ZNF566: variants seen among roughly 807,000 people sequenced by gnomAD.
ZNF566 encodes zinc finger protein 566.
Under a neutral mutation model 32.8 loss-of-function variants are expected in ZNF566, and 27 were observed. That is an observed-to-expected ratio of 0.82 (90% CI 0.61 to 1.14). The LOEUF is 1.14. ZNF566 is among the 50% of genes most tolerant of loss of function. The pLI, the probability that ZNF566 is intolerant of heterozygous loss-of-function variation, is 0.00. For synonymous variants in ZNF566, 154 were observed against 159.5 expected (o/e 0.97, Z 0.26); for missense variants, 402 against 490.4 (o/e 0.82, Z 1.70).
At chr19:36,454,886 T>C (rs952968998) in intron 4 of ZNF566, among the ~76,000 whole-genome samples, 2 of 152,184 alleles carry the variant, frequency 1.3e-5, no homozygotes, top group African/African-American at 2.4e-5. Flanking sequence ...TTTATGAGGA[T>C]AGTATTACCC....
At chr19:36,450,118 GAGTT>G (rs766499361) in intron 4 of ZNF566, 117 bp from the exon 5 acceptor site, 123 of 786,268 alleles carry the variant, frequency 1.6e-4, no homozygotes, top group Non-Finnish European at 2.1e-4. Context: ...GGAAAAAAGA[GAGTT>G]AGAAGACAGG....
chr19:36,459,820 T>A (rs1432478053), intron 4 of ZNF566, among the ~76,000 whole-genome samples: 4 of 40,010 alleles, frequency 1.0e-4, no homozygotes, highest in African/African-American at 3.2e-4. Flanking sequence ...CACCTATTAC[T>A]TTTTTTTTTT....
At chr19:36,456,825 C>T (rs1263417244) in intron 4 of ZNF566, among the ~76,000 whole-genome samples, 1 of 149,676 alleles carries the variant, frequency 6.7e-6, no homozygotes, top group Non-Finnish European at 1.5e-5. Flanking sequence ...CTACCCAAAG[C>T]AATCTACACA....
At chr19:36,454,772 T>G (rs2033258038) in intron 4 of ZNF566, among the ~76,000 whole-genome samples, 1 of 152,254 alleles carries the variant, frequency 6.6e-6, no homozygotes, top group African/African-American at 2.4e-5. Context: ...GACAAAGACT[T>G]GATGGCTTCA....
At chr19:36,485,271 CAAAA>C (rs748231707) in intron 1 of ZNF566, among the ~76,000 whole-genome samples, 1 of 81,946 alleles carries the variant, frequency 1.2e-5, no homozygotes, top group Admixed American at 1.6e-4. Flanking sequence ...GCTATCTCTA[CAAAA>C]AAAAAAAAAA....
intron 4 of ZNF566, among the ~76,000 whole-genome samples, chr19:36,463,743 T>C (rs2033541360): frequency 6.6e-6 from 1 of 150,916 alleles, no homozygotes; most frequent in African/African-American, 2.4e-5. Context: ...TTTTTTTTTT[T>C]GAGACAGAGT....
At chr19:36,455,528 G>A (rs3107235) in intron 4 of ZNF566, among the ~76,000 whole-genome samples, 39,302 of 151,316 alleles carry the variant, frequency 0.26, 5,166 homozygotes, top group South Asian at 0.37. Context: ...GATTACTTGA[G>A]GTCAGGAGTT....
In ZNF566 at chr19:36,449,259, T is replaced by C. The variant is rs778431875; in HGVS notation, c.975A>G (p.Gln325=). ...ECGNAFSQSS[Q]LIKHQRIHTG... is the part of the protein sequence containing the mutation. ...TATGGATTCTTTGATGTTTAATAAGTTGTGAGCTCTGACTAAAGGCATTGC... is the reference window on the plus strand; with the variant it reads ...TATGGATTCTTTGATGTTTAATAAGCTGTGAGCTCTGACTAAAGGCATTGC... The change falls in exon 5 of 5, where the codon CAA becomes CAG. Residue 325 remains glutamine (Q), a synonymous_variant. Coordinates refer to ENST00000452939, the MANE Select transcript of ZNF566 (RefSeq NM_001145344.1). The C allele has an allele frequency of 8.1e-6, 13 of 1,613,946 alleles. No individual in the cohort carries two copies. The Admixed American group carries it at 1.2e-4, about 14-fold the overall frequency.
In ZNF566 at chr19:36,448,695, G is replaced by A. The variant is rs2033056587; in HGVS notation, c.*282C>T. ...CTGACGTTAAGAAGGTTAGAAAGGTGTTAAAAGTGCTGTCATTTTCAGTAT... is the reference window on the plus strand; with the variant it reads ...CTGACGTTAAGAAGGTTAGAAAGGTATTAAAAGTGCTGTCATTTTCAGTAT... On this transcript the variant is annotated 3_prime_UTR_variant, in exon 5 of 5. Coordinates refer to ENST00000452939, the MANE Select transcript of ZNF566 (RefSeq NM_001145344.1). 3.9e-6 allele frequency: 1 copy of A among 256,722 alleles called. No individual in the cohort carries two copies. Among genetic ancestry groups the A allele is most frequent in the Non-Finnish European group, 7.3e-6 (1 of 136,478 alleles). 15.9% of individuals were successfully genotyped at this position (256,722 alleles called of 1,614,324 possible). A position where few individuals can be genotyped will look rare whatever the true frequency, so the allele number is the denominator to read the frequency against.
intron 2 of ZNF566, among the ~76,000 whole-genome samples, chr19:36,475,651 C>T (rs2033866407): frequency 6.6e-6 from 1 of 152,046 alleles, no homozygotes; most frequent in African/African-American, 2.4e-5. Context: ...TGGTAGAAAT[C>T]TGAGATAGGA....
intron 1 of ZNF566, among the ~76,000 whole-genome samples, chr19:36,487,709 T>G (rs2034201921): frequency 6.6e-6 from 1 of 151,812 alleles, no homozygotes; most frequent in Non-Finnish European, 1.5e-5. Flanking sequence ...GGACTAGCTT[T>G]GCCAACATGG....
At chr19:36,452,126 TGACTCTTA>T (rs1374877292) in intron 4 of ZNF566, among the ~76,000 whole-genome samples, 1 of 151,434 alleles carries the variant, frequency 6.6e-6, no homozygotes, top group Non-Finnish European at 1.5e-5. Flanking sequence ...TGAAAGTCAC[TGACTCTTA>T]GACAAGGAAA....
At chr19:36,485,334 C>T (rs957103276) in intron 1 of ZNF566, among the ~76,000 whole-genome samples, 11 of 149,572 alleles carry the variant, frequency 7.4e-5, no homozygotes, top group Non-Finnish European at 1.6e-4. Flanking sequence ...CCCAGCTACT[C>T]AGGGGCTGAG....
intron 4 of ZNF566, among the ~76,000 whole-genome samples, chr19:36,468,263 T>C (rs1478320649): frequency 2.0e-5 from 3 of 151,258 alleles, no homozygotes; most frequent in South Asian, 2.1e-4. Context: ...AACATTCATA[T>C]ACTGCTGGTG....
Position 36,449,334 on chromosome 19 carries a change from T to C in ZNF566, c.900A>G (p.Gln300=). Residue 300 remains glutamine, a synonymous_variant, in exon 5 of 5, where the codon CAA becomes CAG. Coordinates refer to ENST00000452939, the MANE Select transcript of ZNF566 (RefSeq NM_001145344.1). Reference sequence around the variant, plus strand: ...TTTCCCCAGTATGAATTCTCTGATGTTGAGTAAAGTTTGAGCCACTACTAA... The same window carrying C: ...TTTCCCCAGTATGAATTCTCTGATGCTGAGTAAAGTTTGAGCCACTACTAA... The part of the protein sequence containing the change: ...KAFSSGSNFT[Q]HQRIHTGEKP... The C allele has an allele frequency of 1.8e-5, 29 of 1,614,164 alleles. No homozygotes were observed. Among genetic ancestry groups the C allele is most frequent in the Non-Finnish European group, 2.4e-5 (28 of 1,180,016 alleles).
intron 4 of ZNF566, among the ~76,000 whole-genome samples, chr19:36,457,313 T>C (rs2967444): frequency 0.26 from 39,385 of 151,632 alleles, 5,201 homozygotes; most frequent in South Asian, 0.37. Context: ...AAGCAAAAAA[T>C]AGAAAAATAT....
At chr19:36,464,446 C>T (rs886116868) in intron 4 of ZNF566, among the ~76,000 whole-genome samples, 1 of 152,108 alleles carries the variant, frequency 6.6e-6, no homozygotes, top group African/African-American at 2.4e-5. Flanking sequence ...CATGAGCTAC[C>T]ACACCCAGCC....
rs187871174 is a variant in ZNF566 at position 36,485,920 on chromosome 19, G to C, written c.-60+3566C>G. Among the ~76,000 whole-genome samples the C allele has an allele frequency of 8.6e-5, 13 of 151,944 alleles. No individual in the cohort carries two copies. In the East Asian group the frequency reaches 2.3e-3, roughly 27 times the overall value. ...AATACAAAAATTAGCTGGGCGTGGT[G>C]GTGCGCTCCTATAGTCCCAGCTGCT... On this transcript the variant is annotated intron_variant, in intron 1 of 4. Coordinates refer to ENST00000452939, the MANE Select transcript of ZNF566 (RefSeq NM_001145344.1).
Position 36,449,789 on chromosome 19 carries a change from G to A in ZNF566, c.445C>T (p.Leu149=). 6.2e-7 allele frequency: 1 copy of A among 1,614,166 alleles called. No individual in the cohort carries two copies. The highest frequency in any genetic ancestry group is 8.5e-7 in the Non-Finnish European group (1 of 1,180,026). ...GATGGATGGTGACTCAAAGTGGGCA[G>A]ATCTTCATGAGTGAATACCAATTGA... ...FNQLVFTHED[L]PTLSHHPSFT... Residue 149 remains leucine (L), a synonymous_variant, in exon 5 of 5, where the codon CTG becomes TTG. Transcript: ENST00000452939.
Sources: gnomAD v4.1 joint callset for allele counts (sites outside exome capture counted in the v4.1 genomes callset) on GRCh38, gnomAD v4.1.1 for gene constraint, MANE v1.5 for transcripts, NCBI Gene and HGNC (gene_info 2026-07-23, HGNC 2026-07-21) for gene names.